Variants in ETV6 observed in about 807,000 individuals in gnomAD.
ETV6 encodes transcription factor ETV6.
ETV6 carries 16 observed loss-of-function variants against 51.1 expected under a neutral mutation model. That is an observed-to-expected ratio of 0.31 (90% CI 0.21 to 0.48). The LOEUF (loss-of-function observed/expected upper bound fraction) is 0.48, where lower values mean the gene tolerates loss of function less well. ETV6 is among the 20% of genes least tolerant of loss of function. The pLI is 0.99. For synonymous variants in ETV6, 240 were observed against 224.1 expected (o/e 1.07, Z -0.64); for missense variants, 458 against 594.8 (o/e 0.77, Z 2.39).
chr12:11,823,045 T>A (rs1255291543), intron 2 of ETV6, among the ~76,000 whole-genome samples: 1 of 152,036 alleles, frequency 6.6e-6, no homozygotes, highest in African/African-American at 2.4e-5. Context: ...AAGACTCCAG[T>A]GAGAAAGGAG....
chr12:11,808,452 A>C lies in ETV6; in HGVS notation c.164-30688A>C, dbSNP rs554215291. ...TTCAGAAAAACAAAAAACAAAAAAA[A>C]AAAACCCACAAATGCAACAATAAAA... On this transcript the variant is annotated intron_variant, in intron 2 of 7. Transcript: ENST00000396373. Among the ~76,000 whole-genome samples the C allele has an allele frequency of 3.2e-3, 484 of 152,214 alleles. 4 individuals carry two copies. Among genetic ancestry groups the C allele is most frequent in the Admixed American group, 5.8e-3 (88 of 15,294 alleles).
intron 2 of ETV6, among the ~76,000 whole-genome samples, chr12:11,781,259 CT>C (rs1311514383): frequency 3.9e-5 from 6 of 152,188 alleles, no homozygotes; most frequent in African/African-American, 1.4e-4. Context: ...ACGACTGTCT[CT>C]TTAGCATCCC....
chr12:11,750,815 T>TTG, intron 1 of ETV6: 2 of 433,956 alleles, frequency 4.6e-6, no homozygotes, highest in Non-Finnish European at 8.8e-6. Context: ...TTTTTTTTTT[T>TTG]TTGCTTTTTT....
intron 2 of ETV6, among the ~76,000 whole-genome samples, chr12:11,778,208 A>G (rs1945360557): frequency 1.3e-5 from 2 of 152,226 alleles, no homozygotes; most frequent in African/African-American, 4.8e-5. Flanking sequence ...TTGTGAGGTT[A>G]CAAGAGTTAC....
intron 1 of ETV6, among the ~76,000 whole-genome samples, chr12:11,663,678 C>T (rs1864142414): frequency 6.6e-6 from 1 of 151,974 alleles, no homozygotes; most frequent in Admixed American, 6.5e-5. Flanking sequence ...AGAGCATCTC[C>T]CTGGTCTGGT....
chr12:11,778,737 C>T (rs1945370828), intron 2 of ETV6, among the ~76,000 whole-genome samples: 1 of 152,140 alleles, frequency 6.6e-6, no homozygotes, highest in Non-Finnish European at 1.5e-5. Flanking sequence ...TTAAATTAGT[C>T]CAGTTATGTA....
intron 5 of ETV6, among the ~76,000 whole-genome samples, chr12:11,880,778 A>G (rs528518459): frequency 6.6e-6 from 1 of 152,298 alleles, no homozygotes; most frequent in Admixed American, 6.5e-5. Context: ...TTAATTGCTG[A>G]AATTTATTAA....
intron 1 of ETV6, among the ~76,000 whole-genome samples, chr12:11,689,317 T>C (rs1388927549): frequency 6.6e-6 from 1 of 152,118 alleles, no homozygotes; most frequent in African/African-American, 2.4e-5. Flanking sequence ...TTAGGAATAG[T>C]AGGGTCAGGG....
At chr12:11,838,713 C>A (rs894610467) in intron 2 of ETV6, among the ~76,000 whole-genome samples, 8 of 152,178 alleles carry the variant, frequency 5.3e-5, no homozygotes, top group Non-Finnish European at 1.2e-4. Context: ...AATCTGAGGA[C>A]CCTCCAACCA....
intron 2 of ETV6, among the ~76,000 whole-genome samples, chr12:11,757,601 G>T (rs1945026464): frequency 6.6e-6 from 1 of 152,214 alleles, no homozygotes; most frequent in South Asian, 2.1e-4. Flanking sequence ...AGGTCAACTG[G>T]ATTGTCCAGG....
At chr12:11,789,482 G>A (rs1269023001) in intron 2 of ETV6, among the ~76,000 whole-genome samples, 1 of 152,096 alleles carries the variant, frequency 6.6e-6, no homozygotes. Context: ...TCAGCTTGGT[G>A]CCCAGCTATG....
At chr12:11,775,570 G>A (rs746574475) in intron 2 of ETV6, among the ~76,000 whole-genome samples, 5 of 152,288 alleles carry the variant, frequency 3.3e-5, no homozygotes, top group South Asian at 2.1e-4. Flanking sequence ...AAGAACAGAC[G>A]CTTTTCTTGT....
chr12:11,727,760 C>G (rs1196778443), intron 1 of ETV6, among the ~76,000 whole-genome samples: 1 of 152,228 alleles, frequency 6.6e-6, no homozygotes, highest in Non-Finnish European at 1.5e-5. Context: ...CCTCTGGTGG[C>G]TCCATGACAG....
At chr12:11,788,854 A>G (rs925735564) in intron 2 of ETV6, among the ~76,000 whole-genome samples, 3 of 145,532 alleles carry the variant, frequency 2.1e-5, no homozygotes, top group Non-Finnish European at 3.0e-5. Context: ...AACCCCTCCC[A>G]TAGATGCATC....
intron 4 of ETV6, among the ~76,000 whole-genome samples, chr12:11,862,882 A>G (rs748714616): frequency 6.6e-6 from 1 of 152,180 alleles, no homozygotes; most frequent in African/African-American, 2.4e-5. Flanking sequence ...CAAGACCTTG[A>G]GCTTATGACT....
intron 1 of ETV6, among the ~76,000 whole-genome samples, chr12:11,734,664 A>G (rs3020927): frequency 6.6e-6 from 1 of 152,186 alleles, no homozygotes; most frequent in East Asian, 1.9e-4. Flanking sequence ...GGCACTATGC[A>G]AAATTGTAGG....
chr12:11,685,898 C>A (rs1379252895), intron 1 of ETV6, among the ~76,000 whole-genome samples: 1 of 152,188 alleles, frequency 6.6e-6, no homozygotes, highest in Non-Finnish European at 1.5e-5. Context: ...TCAGACACAG[C>A]CAGCCACAGT....
At chr12:11,696,614 C>T (rs1327813764) in intron 1 of ETV6, among the ~76,000 whole-genome samples, 3 of 152,060 alleles carry the variant, frequency 2.0e-5, no homozygotes, top group South Asian at 2.1e-4. Flanking sequence ...GTCAGGAGTT[C>T]GATACCAGCC....
chr12:11,673,486 A>G (rs74062364), intron 1 of ETV6, among the ~76,000 whole-genome samples: 12,683 of 152,228 alleles, frequency 0.083, 1,753 homozygotes, highest in African/African-American at 0.29. Flanking sequence ...AGAGTTCTAT[A>G]TGGAACAAAT....
Sources: allele counts gnomAD v4.1 joint callset (sites outside exome capture counted in the v4.1 genomes callset), GRCh38; gene constraint gnomAD v4.1.1; transcripts MANE v1.5; gene names NCBI Gene and HGNC (gene_info 2026-07-23, HGNC 2026-07-21).